FANCD2OS: variants seen among roughly 807,000 people sequenced by gnomAD.
FANCD2OS encodes the protein FANCD2 opposite strand, also known as FANCD2 opposite strand protein.
Under a neutral mutation model 13.2 loss-of-function variants are expected in FANCD2OS, and 11 were observed. That is an observed-to-expected ratio of 0.83 (90% CI 0.52 to 1.38). FANCD2OS has a LOEUF of 1.38. Ranked by LOEUF, FANCD2OS falls within the 40% of genes most tolerant of loss-of-function variation. The pLI is 0.00. For missense variants in FANCD2OS, 217 were observed against 213.9 expected, an observed-to-expected ratio of 1.01 and a Z score of -0.09; for synonymous variants, 69 against 84.5, an observed-to-expected ratio of 0.82 and a Z score of 1.01.
chr3:10,085,747 C>G, intron 2 of FANCD2OS: 1 of 1,028,332 alleles, frequency 9.7e-7, no homozygotes, highest in Non-Finnish European at 1.5e-6. Context: ...AGGCCAGGAT[C>G]CTTAAATACT....
Position 10,105,760 on chromosome 3 carries a change from AAAAAAAAAAAATTATATATATAT to A in FANCD2OS, c.-8-1001_-8-979del, listed in dbSNP as rs1377126107. Among the ~76,000 whole-genome samples, 4 of 70,610 alleles carry A rather than the reference AAAAAAAAAAAATTATATATATAT, an allele frequency of 5.7e-5. No homozygotes were observed. The African/African-American group carries it at 6.1e-4, about 11-fold the overall frequency. 46.3% of individuals were successfully genotyped at this position (70,610 alleles called of 152,430 possible). ...AGCAAGACTCCATCTAAAAAAAAAA[AAAAAAAAAAAATTATATATATAT>A]ATATATATATATATATATATATATA... On this transcript the variant is annotated intron_variant, in intron 1 of 1. Coordinates refer to ENST00000450660, the MANE Select transcript of FANCD2OS (RefSeq NM_001164839.2).
chr3:10,096,461 C>CTT, intron 2 of FANCD2OS: 3 of 1,614,010 alleles, frequency 1.9e-6, no homozygotes, highest in Non-Finnish European at 2.5e-6. Context: ...TCTAAAAAAC[C>CTT]GGGACTTGCA....
At chr3:10,094,056 C>T (rs1694809759) in intron 2 of FANCD2OS, among the ~76,000 whole-genome samples, 1 of 152,222 alleles carries the variant, frequency 6.6e-6, no homozygotes, top group Non-Finnish European at 1.5e-5. Context: ...CCCTGTCCAT[C>T]GACTGTATCT....
rs371617249 is a variant in FANCD2OS at position 10,104,778 on chromosome 3, C to T, written c.-4G>A. The T allele has an allele frequency of 5.1e-6, 8 of 1,570,242 alleles. No homozygotes were observed. The highest frequency in any genetic ancestry group is 2.4e-5 in the South Asian group (2 of 83,520). ...ACCAGAGCTGGTATCCTGCCATTGA[C>T]AGTCCTAAAGGAGGGAAATCAGAGC... On this transcript the variant is annotated 5_prime_UTR_variant, in exon 2 of 2. Transcript: ENST00000450660.
At chr3:10,096,536 C>A (rs2125095846) in intron 2 of FANCD2OS, 2 of 1,518,170 alleles carry the variant, frequency 1.3e-6, no homozygotes, top group Non-Finnish European at 9.1e-7. Context: ...CATCAGATGG[C>A]ATGTAAGGAA....
At chr3:10,087,744 G>A (rs1694307543) in intron 2 of FANCD2OS, among the ~76,000 whole-genome samples, 1 of 152,046 alleles carries the variant, frequency 6.6e-6, no homozygotes, top group Non-Finnish European at 1.5e-5. Flanking sequence ...TACCTCCCAG[G>A]TTCAAACGAT....
chr3:10,089,560 C>G (rs1338368287), intron 2 of FANCD2OS, among the ~76,000 whole-genome samples: 3 of 152,112 alleles, frequency 2.0e-5, no homozygotes, highest in Non-Finnish European at 4.4e-5. Flanking sequence ...ACCTCCACCT[C>G]CTGGGTTCAA....
chr3:10,082,208 C>A (rs769503036), intron 2 of FANCD2OS, among the ~76,000 whole-genome samples: 5 of 152,174 alleles, frequency 3.3e-5, no homozygotes, highest in Non-Finnish European at 5.9e-5. Context: ...AGGAGTTATT[C>A]TTTGTCCCTC....
rs764105093 is a variant in FANCD2OS, at chr3:10,085,878, A to C, written c.*44-4347T>G. ...CAGCCCTCCATGTCCTTAGTAGCCG[A>C]CTGAAACAGGGAGAACACAGCCAGC... On this transcript the variant is annotated intron_variant, in intron 2 of 2. Coordinates refer to the FANCD2OS transcript ENST00000524279. 1.2e-6 allele frequency: 2 copies of C among 1,613,850 alleles called. No homozygotes were observed. The highest frequency in any genetic ancestry group is 1.7e-5 in the Admixed American group (1 of 60,010).
chr3:10,097,533 C>G (rs1272665125), intron 2 of FANCD2OS, among the ~76,000 whole-genome samples: 1 of 152,192 alleles, frequency 6.6e-6, no homozygotes, highest in African/African-American at 2.4e-5. Context: ...CTGTTCCGCC[C>G]GGCTCACCGG....
intron 1 of FANCD2OS, 60 bp from the exon 2 acceptor site, chr3:10,104,842 C>G: frequency 7.0e-7 from 1 of 1,426,686 alleles, no homozygotes; most frequent in East Asian, 2.3e-5. Flanking sequence ...AGAGCATGGC[C>G]TTTCAAATTC....
intron 2 of FANCD2OS, chr3:10,087,314 A>C: frequency 6.6e-7 from 1 of 1,524,748 alleles, no homozygotes; most frequent in Non-Finnish European, 8.9e-7. Flanking sequence ...GAATAGGACT[A>C]ATATCTCACA....
At chr3:10,105,098 C>T (rs1183090641) in intron 1 of FANCD2OS, among the ~76,000 whole-genome samples, 1 of 152,114 alleles carries the variant, frequency 6.6e-6, no homozygotes, top group African/African-American at 2.4e-5. Context: ...GGTGATCCAC[C>T]GCCTCGGCCT....
downstream of FANCD2OS, chr3:10,099,284 T>A (rs896542828): frequency 2.7e-5 from 34 of 1,265,988 alleles, no homozygotes; most frequent in Non-Finnish European, 3.3e-5. Flanking sequence ...TTCTTACGCT[T>A]TTTTGTGGTA....
intron 2 of FANCD2OS, among the ~76,000 whole-genome samples, chr3:10,091,860 C>T (rs55682812): frequency 1.3e-5 from 2 of 152,110 alleles, no homozygotes; most frequent in Non-Finnish European, 2.9e-5. Flanking sequence ...TTTGGGAGGC[C>T]GAGGTGGGTG....
intron 2 of FANCD2OS, chr3:10,096,445 G>A (rs2125095588): frequency 6.2e-7 from 1 of 1,614,068 alleles, no homozygotes; most frequent in Non-Finnish European, 8.5e-7. Flanking sequence ...CTTTCTGGCT[G>A]GGCAATCTAA....
chr3:10,093,660 A>G (rs34280496), intron 2 of FANCD2OS, among the ~76,000 whole-genome samples: 327 of 152,312 alleles, frequency 2.1e-3, no homozygotes, highest in Middle Eastern at 6.8e-3. Flanking sequence ...TTTAAAGTCT[A>G]TGGGTGGCCT....
rs987819449 is a variant in FANCD2OS, at chr3:10,094,346, A to C, written c.*43+9852T>G. The C allele has an allele frequency of 9.9e-6, 16 of 1,613,810 alleles. No individual in the cohort carries two copies. Among genetic ancestry groups the C allele is most frequent in the African/African-American group, 8.0e-5 (6 of 74,904 alleles). On this transcript the variant is annotated intron_variant, in intron 2 of 2. Transcript: ENST00000524279. ...GCAATGTATGCCGCTCCTAGACTTC[A>C]GTTTTAGAAAACACCGGGTAAGAGC...
chr3:10,102,716 G>A (rs187057650), downstream of FANCD2OS, among the ~76,000 whole-genome samples: 103 of 151,622 alleles, frequency 6.8e-4, no homozygotes, highest in African/African-American at 2.3e-3. Flanking sequence ...GGTGGCGGGC[G>A]CCTGTAGTCC....
Sources: gnomAD v4.1 joint callset for allele counts (sites outside exome capture counted in the v4.1 genomes callset) on GRCh38, gnomAD v4.1.1 for gene constraint, MANE v1.5 for transcripts, NCBI Gene and HGNC (gene_info 2026-07-23, HGNC 2026-07-21) for gene names.